DIS3L2: variants seen among roughly 807,000 people sequenced by gnomAD.
DIS3L2 encodes DIS3-like exonuclease 2.
DIS3L2 carries 34 observed loss-of-function variants against 97.5 expected under a neutral mutation model. The ratio of observed to expected loss-of-function variants is 0.35; its 90% confidence interval spans 0.27 to 0.46. DIS3L2 has a LOEUF of 0.46. DIS3L2 is among the 20% of genes least tolerant of loss of function. The probability of loss-of-function intolerance (pLI) is 1.00; values close to 1 mark genes in which losing one functional copy is unlikely to be tolerated. For synonymous variants in DIS3L2, 435 were observed against 445.2 expected, an observed-to-expected ratio of 0.98 and a Z score of 0.29; for missense variants, 1,038 against 1,146.0, an observed-to-expected ratio of 0.91 and a Z score of 1.36.
intron 11 of DIS3L2, among the ~76,000 whole-genome samples, chr2:232,246,932 TG>T: frequency 7.2e-4 from 1 of 1,392 alleles, no homozygotes; most frequent in Middle Eastern, 0.5. Flanking sequence ...TTACTTTATT[TG>T]GATTTCACTA....
At chr2:231,976,227 CT>C (rs34169389) in intron 1 of DIS3L2, among the ~76,000 whole-genome samples, 16,984 of 152,104 alleles carry the variant, frequency 0.11, 1,188 homozygotes, top group African/African-American at 0.2. Flanking sequence ...CTACTGTATG[CT>C]TCTGATCCAG....
At chr2:232,081,047 G>A (rs1054141689) in intron 5 of DIS3L2, among the ~76,000 whole-genome samples, 18 of 152,088 alleles carry the variant, frequency 1.2e-4, no homozygotes, top group Non-Finnish European at 1.5e-5. Context: ...GCAAAACTGG[G>A]TTATTTGTTC....
chr2:232,255,744 G>A (rs1052725891), intron 12 of DIS3L2, among the ~76,000 whole-genome samples: 3 of 152,268 alleles, frequency 2.0e-5, no homozygotes, highest in Non-Finnish European at 2.9e-5. Context: ...CGTCTCCTGT[G>A]ACATCCCTGC....
chr2:232,223,648 C>T (rs1345851489), intron 10 of DIS3L2, among the ~76,000 whole-genome samples: 1 of 152,184 alleles, frequency 6.6e-6, no homozygotes, highest in East Asian at 1.9e-4. Context: ...CCTCTTCTTA[C>T]CTCAATGTTC....
rs545983801 is a variant in DIS3L2 at position 232,199,334 on chromosome 2, G to A, written c.1125-10992G>A. Among the ~76,000 whole-genome samples the A allele has an allele frequency of 5.9e-5, 9 of 152,194 alleles. No homozygotes were observed. The East Asian group carries it at 9.7e-4, about 16-fold the overall frequency. On this transcript the variant is annotated intron_variant, in intron 9 of 20. Coordinates refer to ENST00000325385, the MANE Select transcript of DIS3L2 (RefSeq NM_152383.5). ...CAGCTAATTCTTTGTGGCCATGAAG[G>A]GCCTGAATTTTGAAGTTTCTCGGAG...
At chr2:232,174,868 G>A (rs377631495) in intron 9 of DIS3L2, among the ~76,000 whole-genome samples, 135 of 150,528 alleles carry the variant, frequency 9.0e-4, no homozygotes, top group Non-Finnish European at 1.6e-3. Flanking sequence ...TTGAGACAGC[G>A]TCTTGCTCTG....
At chr2:232,156,843 A>G (rs1016533832) in intron 8 of DIS3L2, among the ~76,000 whole-genome samples, 5 of 152,134 alleles carry the variant, frequency 3.3e-5, no homozygotes, top group Admixed American at 6.5e-5. Flanking sequence ...TCTATGTGGT[A>G]TATCTCATTT....
intron 5 of DIS3L2, among the ~76,000 whole-genome samples, chr2:232,054,613 CATTT>C (rs66967619): frequency 0.14 from 20,807 of 152,094 alleles, 1,823 homozygotes; most frequent in South Asian, 0.33. Flanking sequence ...TAAACTCATT[CATTT>C]GAGACTTATT....
rs1257487826 is a variant in DIS3L2 at position 232,325,500 on chromosome 2, C to G, written c.1740-4313C>G. On this transcript the variant is annotated intron_variant, in intron 14 of 20. Coordinates refer to ENST00000325385, the MANE Select transcript of DIS3L2 (RefSeq NM_152383.5). This position sits in a 1 kb window ranked among gnomAD's most constrained non-coding sequence, Gnocchi z 4.6. ...ATACCTGAGCCTCCCCCTCCCCACC[C>G]CCTCCTGCCCCAGGGAGGCCCAGAA... 6.6e-6 allele frequency among the ~76,000 whole-genome samples: 1 copy of G among 152,170 alleles called. No individual in the cohort carries two copies. Among genetic ancestry groups the G allele is most frequent in the Non-Finnish European group, 1.5e-5 (1 of 68,022 alleles).
At chr2:232,326,626 A>T (rs1309009241) in intron 14 of DIS3L2, among the ~76,000 whole-genome samples, 10 of 149,338 alleles carry the variant, frequency 6.7e-5, no homozygotes, top group Middle Eastern at 3.2e-3. Context: ...GCACCTGGGA[A>T]GTGGACTTTC....
intron 5 of DIS3L2, among the ~76,000 whole-genome samples, chr2:232,072,119 C>A (rs1696036674): frequency 6.6e-6 from 1 of 152,062 alleles, no homozygotes; most frequent in Non-Finnish European, 1.5e-5. Flanking sequence ...AAGGGAAATG[C>A]TTTGAGGGGA....
chr2:232,077,965 CTTTCTT>C (rs1303528378), intron 5 of DIS3L2, among the ~76,000 whole-genome samples: 3 of 102,482 alleles, frequency 2.9e-5, no homozygotes, highest in Admixed American at 2.0e-4. Context: ...CTCTTTCTTT[CTTTCTT>C]TCTTTCTTTC....
chr2:232,318,623 G>A (rs769182511), intron 14 of DIS3L2, among the ~76,000 whole-genome samples: 1 of 152,202 alleles, frequency 6.6e-6, no homozygotes, highest in African/African-American at 2.4e-5. Context: ...AGGCCAGCGC[G>A]GCAGGGTGCT....
At chr2:232,086,751 C>T (rs1413793691) in intron 5 of DIS3L2, among the ~76,000 whole-genome samples, 1 of 149,742 alleles carries the variant, frequency 6.7e-6, no homozygotes, top group African/African-American at 2.5e-5. Context: ...GCCATCTCGG[C>T]TCGCTGCAAG....
chr2:232,284,106 C>T (rs895492723), intron 13 of DIS3L2, among the ~76,000 whole-genome samples: 1 of 152,022 alleles, frequency 6.6e-6, no homozygotes, highest in Non-Finnish European at 1.5e-5. Flanking sequence ...GCATTGCCCC[C>T]AGGAAATAGC....
At chr2:231,966,641 A>ATT (rs36151054) in intron 1 of DIS3L2, among the ~76,000 whole-genome samples, 2,587 of 50,588 alleles carry the variant, frequency 0.051, 81 homozygotes, top group East Asian at 0.069. Context: ...GTTAAAAAAC[A>ATT]TTTTTTTTTT....
At chr2:232,247,888 C>T (rs1478364987) in intron 11 of DIS3L2, among the ~76,000 whole-genome samples, 1 of 152,092 alleles carries the variant, frequency 6.6e-6, no homozygotes, top group Middle Eastern at 3.4e-3. Context: ...ACTGATGGTG[C>T]AAAAGTAATG....
intron 5 of DIS3L2, among the ~76,000 whole-genome samples, chr2:232,071,097 A>G (rs1161057360): frequency 2.0e-5 from 3 of 151,984 alleles, no homozygotes; most frequent in African/African-American, 7.3e-5. Context: ...CTCCAAATCT[A>G]TTTTTCTTTT....
intron 10 of DIS3L2, 56 bp from the exon 11 acceptor site, chr2:232,238,477 G>C (rs1692993619): frequency 3.5e-6 from 5 of 1,448,250 alleles, no homozygotes; most frequent in Non-Finnish European, 4.8e-6. Context: ...GGACTCCTGG[G>C]AGAGAATGCT....
Sources: allele counts gnomAD v4.1 joint callset (sites outside exome capture counted in the v4.1 genomes callset), GRCh38; gene constraint gnomAD v4.1.1; non-coding constraint Gnocchi (gnomAD v3.1); transcripts MANE v1.5; gene names NCBI Gene and HGNC (gene_info 2026-07-23, HGNC 2026-07-21).